Variants in REV3L observed in about 807,000 individuals in gnomAD.
The protein encoded by REV3L is REV3 like, DNA directed polymerase zeta catalytic subunit, also known as DNA polymerase zeta catalytic subunit.
A neutral mutation model predicts 299.4 loss-of-function variants in REV3L; 69 were observed. The ratio of observed to expected loss-of-function variants is 0.23; its 90% CI spans 0.19 to 0.28. REV3L has a LOEUF of 0.28. REV3L is among the 10% of genes least tolerant of loss of function. REV3L has a pLI of 1.00. For synonymous variants in REV3L, 1,238 were observed against 1,271.4 expected (o/e 0.97, Z 0.56); for missense variants, 3,128 against 3,693.8 (o/e 0.85, Z 3.97).
rs1786097158 is a variant in REV3L at position 111,425,720 on chromosome 6, T to G, written c.140-9248A>C. On this transcript the variant is annotated intron_variant, in intron 1 of 31. Coordinates refer to ENST00000368802, the MANE Select transcript of REV3L (RefSeq NM_001372078.1). ...GAAACTGTTCATGAAGAAGCCAAGGTGTTGGACTTACTGGACAAAGATTTT... is the reference window on the plus strand; with the variant it reads ...GAAACTGTTCATGAAGAAGCCAAGGGGTTGGACTTACTGGACAAAGATTTT... Among the ~76,000 whole-genome samples, 4 of 152,018 alleles carry G rather than the reference T, an allele frequency of 2.6e-5. No homozygotes were observed. The South Asian group carries it at 8.3e-4, about 31-fold the overall frequency.
At chr6:111,385,283 G>A (rs1260068688) in intron 9 of REV3L, among the ~76,000 whole-genome samples, 3 of 152,068 alleles carry the variant, frequency 2.0e-5, no homozygotes, top group Non-Finnish European at 4.4e-5. Flanking sequence ...AGAAATATAT[G>A]CTTGAGGTTA....
chr6:111,472,824 A>G (rs1287689147), intron 1 of REV3L, among the ~76,000 whole-genome samples: 1 of 152,166 alleles, frequency 6.6e-6, no homozygotes, highest in Non-Finnish European at 1.5e-5. Context: ...CACACCAAAC[A>G]AAAACACCAA....
chr6:111,446,194 G>A (rs1474929074), intron 1 of REV3L, among the ~76,000 whole-genome samples: 1 of 152,194 alleles, frequency 6.6e-6, no homozygotes, highest in Non-Finnish European at 1.5e-5. Context: ...AGAGTTAACA[G>A]TTAATCAGAA....
At chr6:111,483,446 G>C (rs999965065), upstream of REV3L, 8 of 448,446 alleles carry the variant, frequency 1.8e-5, no homozygotes, top group African/African-American at 1.2e-4. Context: ...TCGGCTGGCG[G>C]GCACGGTCAC....
At chr6:111,409,289 T>C (rs184457127) in intron 3 of REV3L, among the ~76,000 whole-genome samples, 5 of 151,940 alleles carry the variant, frequency 3.3e-5, no homozygotes, top group Admixed American at 6.6e-5. Flanking sequence ...TACAAAGATA[T>C]ATAACCAAGG....
At chr6:111,351,422 T>G (rs1394168815) in intron 19 of REV3L, among the ~76,000 whole-genome samples, 2 of 152,160 alleles carry the variant, frequency 1.3e-5, no homozygotes, top group African/African-American at 4.8e-5. Flanking sequence ...TAAAAACCAC[T>G]ACATATGTAT....
At chr6:111,436,482 C>T (rs1040748729) in intron 1 of REV3L, among the ~76,000 whole-genome samples, 31 of 152,144 alleles carry the variant, frequency 2.0e-4, no homozygotes, top group Middle Eastern at 3.4e-3. Context: ...TTTGCAGCAA[C>T]GTAAGTGAAA....
rs1006554386 is a variant in REV3L at position 111,416,888 on chromosome 6, C to T, written c.140-416G>A. On this transcript the variant is annotated intron_variant, in intron 1 of 31. Coordinates refer to ENST00000368802, the MANE Select transcript of REV3L (RefSeq NM_001372078.1). The stretch of plus-strand genomic sequence containing the variant: ...CTGTCTTGGCATTAATGTTTTCAAA[C>T]AAGAGCCTTCCCTAAAAGAGAGGCA... 2.0e-5 allele frequency among the ~76,000 whole-genome samples: 3 copies of T among 151,992 alleles called. 1 individual carries two copies. Among genetic ancestry groups the T allele is most frequent in the South Asian group, 4.2e-4 (2 of 4,818 alleles).
rs143381783 is a variant in REV3L, at chr6:111,374,653, C to A, written c.3702G>T (p.Gln1234His). ...TTLKDEKIKS[Q>H]SGAEVKFVLK... ...GTACAAACTTAACCTCAGCACCAGA[C>A]TGAGATTTTATTTTTTCATCCTTAA... Residue 1234 changes from glutamine to histidine, a missense_variant, in exon 13 of 32, where the codon CAG becomes CAT. By Grantham distance (24) the Gln-to-His change is conservative. Coordinates refer to ENST00000368802, the MANE Select transcript of REV3L (RefSeq NM_001372078.1). 256 of 1,613,458 alleles carry A rather than the reference C, an allele frequency of 1.6e-4. No individual in the cohort carries two copies. The highest frequency in any genetic ancestry group is 2.0e-4 in the Non-Finnish European group (239 of 1,179,860).
At chr6:111,369,976 A>G (rs1374814353) in intron 13 of REV3L, among the ~76,000 whole-genome samples, 1 of 151,576 alleles carries the variant, frequency 6.6e-6, no homozygotes, top group South Asian at 2.1e-4. Context: ...AGGATTACAG[A>G]CTCATGCCAC....
intron 9 of REV3L, among the ~76,000 whole-genome samples, chr6:111,384,073 T>C (rs2128248411): frequency 6.6e-6 from 1 of 152,288 alleles, no homozygotes; most frequent in East Asian, 1.9e-4. Flanking sequence ...AACTAGACCC[T>C]GATCTCTCCA....
chr6:111,328,731 A>C (rs1262410591), intron 25 of REV3L, among the ~76,000 whole-genome samples: 1 of 152,174 alleles, frequency 6.6e-6, no homozygotes, highest in Non-Finnish European at 1.5e-5. Flanking sequence ...AAACAAAATG[A>C]AATGCTTGAA....
intron 31 of REV3L, among the ~76,000 whole-genome samples, chr6:111,304,964 A>C (rs1421422052): frequency 2.0e-5 from 3 of 147,670 alleles, no homozygotes; most frequent in Admixed American, 1.3e-4. Flanking sequence ...TTTTTGAGAC[A>C]GAGTTTCGCT....
chr6:111,436,195 C>T (rs1787529492), intron 1 of REV3L, among the ~76,000 whole-genome samples: 1 of 152,142 alleles, frequency 6.6e-6, no homozygotes, highest in Admixed American at 6.5e-5. Flanking sequence ...AATCCTCGTA[C>T]ACCACTGCTG....
At chr6:111,452,820 G>T (rs1789711903) in intron 1 of REV3L, among the ~76,000 whole-genome samples, 1 of 152,010 alleles carries the variant, frequency 6.6e-6, no homozygotes, top group South Asian at 2.1e-4. Context: ...TAAAGAAAAA[G>T]AACAGGGGAA....
intron 4 of REV3L, among the ~76,000 whole-genome samples, chr6:111,394,389 G>T (rs1449269742): frequency 6.6e-6 from 1 of 152,180 alleles, no homozygotes; most frequent in Non-Finnish European, 1.5e-5. Flanking sequence ...GATGATTAGT[G>T]ATGTTGAACA....
chr6:111,445,451 G>A (rs139404940), intron 1 of REV3L, among the ~76,000 whole-genome samples: 2 of 152,102 alleles, frequency 1.3e-5, no homozygotes, highest in East Asian at 1.9e-4. Context: ...TTAGAAATTG[G>A]AGTAAAGTTA....
rs550296377 is a variant in REV3L at position 111,446,798 on chromosome 6, G to C, written c.140-30326C>G. ...TTCCCTTCAGTGGGAATCTCCTTTT[G>C]TAAAGCCTTAGGAGAATCTAGTATT... On this transcript the variant is annotated intron_variant, in intron 1 of 31. Transcript: ENST00000368802. Among the ~76,000 whole-genome samples the C allele has an allele frequency of 8.5e-5, 13 of 152,156 alleles. No individual in the cohort carries two copies. In the East Asian group the frequency reaches 2.3e-3, roughly 27 times the overall value.
Position 111,367,604 on chromosome 6 carries a change from T to A in REV3L, c.6184A>T (p.Thr2062Ser), listed in dbSNP as rs1322043067. 2.5e-6 allele frequency: 4 copies of A among 1,614,118 alleles called. No individual in the cohort carries two copies. Among genetic ancestry groups the A allele is most frequent in the Admixed American group, 3.3e-5 (2 of 60,008 alleles). ...KMDVSPCILPTTAHTKEDVDN... is the reference protein window; with the variant it reads ...KMDVSPCILPSTAHTKEDVDN... ...ACATCCTCCTTGGTATGTGCTGTAGTGGGGAGTATACATGGACTTACATCC... is the reference window on the plus strand; with the variant it reads ...ACATCCTCCTTGGTATGTGCTGTAGAGGGGAGTATACATGGACTTACATCC... The change falls in exon 14 of 32, where the codon ACT becomes TCT. Residue 2062 changes from threonine (T) to serine (S), a missense_variant. Thr to Ser is a moderately conservative substitution (Grantham distance 58, BLOSUM62 1). Transcript: ENST00000368802.
Sources: allele counts gnomAD v4.1 joint callset (sites outside exome capture counted in the v4.1 genomes callset), GRCh38; gene constraint gnomAD v4.1.1; transcripts MANE v1.5; gene names NCBI Gene and HGNC (gene_info 2026-07-23, HGNC 2026-07-21).